The following CTNND2 variants were observed in gnomAD, a reference collection of about 807,000 sequenced individuals.
The protein encoded by CTNND2 is catenin delta-2.
CTNND2 carries 22 observed loss-of-function variants against 144.4 expected under a neutral mutation model. That is an observed-to-expected ratio of 0.15 (90% confidence interval 0.11 to 0.22). The LOEUF is 0.22. Ranked by LOEUF, CTNND2 falls within the 10% of genes least tolerant of loss-of-function variation. The pLI, the probability that CTNND2 is intolerant of heterozygous loss-of-function variation, is 1.00. For synonymous variants in CTNND2, 751 were observed against 695.6 expected, an observed-to-expected ratio of 1.08 and a Z score of -1.25; for missense variants, 1,353 against 1,618.8, an observed-to-expected ratio of 0.84 and a Z score of 2.82.
At chr5:11,225,896 C>A (rs1471950916) in intron 10 of CTNND2, among the ~76,000 whole-genome samples, 1 of 152,126 alleles carries the variant, frequency 6.6e-6, no homozygotes, top group Admixed American at 6.5e-5. Context: ...TAATCCAGTA[C>A]AACATAAGCC....
At chr5:11,011,971 G>T (rs1026271929) in intron 18 of CTNND2, among the ~76,000 whole-genome samples, 2 of 151,944 alleles carry the variant, frequency 1.3e-5, no homozygotes, top group Non-Finnish European at 2.9e-5. Flanking sequence ...AATGTAGGCA[G>T]AGGTGACTAG....
intron 3 of CTNND2, among the ~76,000 whole-genome samples, chr5:11,555,922 T>A (rs1401934975): frequency 6.6e-6 from 1 of 152,138 alleles, no homozygotes; most frequent in Non-Finnish European, 1.5e-5. Context: ...TCTAATTTGT[T>A]CTTCTGGTTT....
chr5:11,627,230 A>C (rs1781204995), intron 2 of CTNND2, among the ~76,000 whole-genome samples: 1 of 152,162 alleles, frequency 6.6e-6, no homozygotes, highest in Non-Finnish European at 1.5e-5. Flanking sequence ...TAGTGCACTG[A>C]AATGCCCTTC....
At chr5:11,559,609 C>T (rs966962769) in intron 3 of CTNND2, among the ~76,000 whole-genome samples, 30 of 152,174 alleles carry the variant, frequency 2.0e-4, no homozygotes, top group African/African-American at 7.0e-4. Context: ...TTCTGAGACG[C>T]TTCTCCCCAG....
chr5:11,087,840 A>G (rs148019820), intron 15 of CTNND2, among the ~76,000 whole-genome samples: 16 of 152,194 alleles, frequency 1.1e-4, no homozygotes, highest in African/African-American at 3.8e-4. Context: ...TGTTTATGCA[A>G]TGCTCAAAAT....
intron 3 of CTNND2, among the ~76,000 whole-genome samples, chr5:11,541,311 A>G (rs1051913076): frequency 3.3e-5 from 5 of 152,324 alleles, no homozygotes; most frequent in Admixed American, 1.3e-4. Context: ...CTCTTGGAAC[A>G]CACTTAAAAT....
rs1355996806 is a variant in CTNND2, at chr5:10,989,903, C to T, written c.3212-1661G>A. Among the ~76,000 whole-genome samples the T allele has an allele frequency of 2.6e-5, 4 of 152,322 alleles. No homozygotes were observed. The East Asian group carries it at 5.8e-4, about 22-fold the overall frequency. ...TCAAACCTATCAAAATAAAATCACG[C>T]CTCAATGCTCAGCTCTTGAAGCCAT... On this transcript the variant is annotated intron_variant, in intron 19 of 21. Coordinates refer to ENST00000304623, the MANE Select transcript of CTNND2 (RefSeq NM_001332.4).
intron 1 of CTNND2, among the ~76,000 whole-genome samples, chr5:11,827,924 G>A (rs1598934): frequency 6.6e-6 from 1 of 152,062 alleles, no homozygotes; most frequent in African/African-American, 2.4e-5. Context: ...ATTTTATGAG[G>A]CTCTTTACTC....
intron 12 of CTNND2, among the ~76,000 whole-genome samples, chr5:11,140,413 T>C (rs950786890): frequency 6.6e-6 from 1 of 152,240 alleles, no homozygotes; most frequent in East Asian, 1.9e-4. Context: ...TATTGATTAA[T>C]TGGAATGCAA....
In CTNND2 at chr5:10,988,509, C is replaced by A. The variant is rs1048060024; in HGVS notation, c.3212-267G>T. 3.3e-5 allele frequency among the ~76,000 whole-genome samples: 5 copies of A among 152,186 alleles called. No individual in the cohort carries two copies. The highest frequency in any genetic ancestry group is 1.3e-4 in the Admixed American group (2 of 15,284). On this transcript the variant is annotated intron_variant, in intron 19 of 21. Coordinates refer to ENST00000304623, the MANE Select transcript of CTNND2 (RefSeq NM_001332.4). This position sits in a 1 kb window ranked among gnomAD's most constrained non-coding sequence, Gnocchi z 5.9. ...GGGGACCACATCCTGGGGCCATCTT[C>A]CTCAGAGAGAGATCATGGAGGGGAC...
At chr5:11,658,271 C>A (rs1783016264) in intron 2 of CTNND2, among the ~76,000 whole-genome samples, 1 of 151,868 alleles carries the variant, frequency 6.6e-6, no homozygotes, top group Admixed American at 6.6e-5. Context: ...GACTCATGAT[C>A]CATTGCCTTC....
At position 11,772,666 on chromosome 5, in the gene CTNND2, G is replaced by T. The variant is rs147599450; in HGVS notation, c.38-40394C>A. ...TTTTAATTTCAGAGGAGCAGACAGA[G>T]TCCTGTGATCTTTTGGCCACTGAAG... On this transcript the variant is annotated intron_variant, in intron 1 of 21. Transcript: ENST00000304623. Among the ~76,000 whole-genome samples, 526 of 152,290 alleles carry T rather than the reference G, an allele frequency of 3.5e-3. 1 individual carries two copies. The highest frequency in any genetic ancestry group is 0.017 in the Middle Eastern group (5 of 294).
rs1273001930 is a variant in CTNND2, at chr5:11,385,197, C to A, written c.645G>T (p.Gly215=). Residue 215 remains glycine, a synonymous_variant, in exon 7 of 22, where the codon GGG becomes GGT. Transcript: ENST00000304623. ...GCGGCGGCGGCGGCGCGGGCTCGGG[C>A]CCCGCCAGGTGGCCGGCGCGGCTGG... The part of the protein sequence containing the change: ...GTTSRAGHLA[G]PEPAPPPPPP... 1.9e-6 allele frequency: 2 copies of A among 1,052,290 alleles called. No individual in the cohort carries two copies. The highest frequency in any genetic ancestry group is 6.9e-5 in the East Asian group (1 of 14,502). The allele number at this position is 1,052,290 out of a possible 1,614,324, so 65.2% of individuals were successfully genotyped here. A position where few individuals can be genotyped will look rare whatever the true frequency, so the allele number is the denominator to read the frequency against.
At chr5:11,178,839 C>T (rs566541334) in intron 11 of CTNND2, among the ~76,000 whole-genome samples, 26 of 152,248 alleles carry the variant, frequency 1.7e-4, no homozygotes, top group African/African-American at 6.3e-4. Flanking sequence ...ATATACAATA[C>T]ATTCTTCGCC....
In CTNND2 at chr5:11,748,787, C is replaced by A. The variant is rs73743225; in HGVS notation, c.38-16515G>T. On this transcript the variant is annotated intron_variant, in intron 1 of 21. Coordinates refer to ENST00000304623, the MANE Select transcript of CTNND2 (RefSeq NM_001332.4). Reference sequence around the variant, plus strand: ...GAGTTTGGGAGTATGTGATAATTTTCAATTATGTCCACAGGTTCTTTCATA... The same window carrying A: ...GAGTTTGGGAGTATGTGATAATTTTAAATTATGTCCACAGGTTCTTTCATA... Among the ~76,000 whole-genome samples the A allele has an allele frequency of 7.9e-3, 1,198 of 152,046 alleles. 10 individuals are homozygous for A. Among genetic ancestry groups the A allele is most frequent in the African/African-American group, 0.027 (1,141 of 41,496 alleles).
intron 2 of CTNND2, among the ~76,000 whole-genome samples, chr5:11,688,869 G>A (rs1346722446): frequency 6.6e-6 from 1 of 152,198 alleles, no homozygotes; most frequent in Non-Finnish European, 1.5e-5. Context: ...ACTTGGTGGT[G>A]AAAGGAAACA....
intron 1 of CTNND2, among the ~76,000 whole-genome samples, chr5:11,757,969 G>T (rs868202817): frequency 6.6e-6 from 1 of 151,974 alleles, no homozygotes; most frequent in Non-Finnish European, 1.5e-5. Flanking sequence ...GGCAGTCAAA[G>T]ATTTTAAACT....
At chr5:11,530,810 C>A (rs1773684334) in intron 3 of CTNND2, among the ~76,000 whole-genome samples, 1 of 152,182 alleles carries the variant, frequency 6.6e-6, no homozygotes, top group South Asian at 2.1e-4. Flanking sequence ...ATTTTGGTAC[C>A]AATTTTTGAA....
intron 2 of CTNND2, among the ~76,000 whole-genome samples, chr5:11,630,306 T>C (rs1781352122): frequency 6.6e-6 from 1 of 152,176 alleles, no homozygotes; most frequent in South Asian, 2.1e-4. Context: ...TCTCTAATAA[T>C]GCACACCAGG....
Sources: allele counts gnomAD v4.1 joint callset (sites outside exome capture counted in the v4.1 genomes callset), GRCh38; gene constraint gnomAD v4.1.1; non-coding constraint Gnocchi (gnomAD v3.1); transcripts MANE v1.5; gene names NCBI Gene and HGNC (gene_info 2026-07-23, HGNC 2026-07-21).